Variants in DGKI observed in about 807,000 individuals in gnomAD.
DGKI encodes diacylglycerol kinase iota.
Under a neutral mutation model 147.5 loss-of-function variants are expected in DGKI, and 55 were observed. That is an observed-to-expected ratio of 0.37 (90% CI 0.30 to 0.47). DGKI has a LOEUF of 0.47. Among genes scored for constraint, DGKI ranks in the 20% least tolerant of loss-of-function variants. The probability of loss-of-function intolerance (pLI) is 1.00; values close to 1 mark genes in which losing one functional copy is unlikely to be tolerated. For missense variants in DGKI, 1,007 were observed against 1,323.8 expected, an observed-to-expected ratio of 0.76 and a Z score of 3.71; for synonymous variants, 469 against 477.1, an observed-to-expected ratio of 0.98 and a Z score of 0.22.
intron 1 of DGKI, among the ~76,000 whole-genome samples, chr7:137,845,497 C>A (rs1458166972): frequency 6.6e-6 from 1 of 152,198 alleles, no homozygotes. Flanking sequence ...AGCAAGTGTA[C>A]ATCTTTGTAA....
At chr7:137,440,490 T>G (rs184325675) in intron 28 of DGKI, among the ~76,000 whole-genome samples, 1 of 152,346 alleles carries the variant, frequency 6.6e-6, no homozygotes, top group Non-Finnish European at 1.5e-5. Flanking sequence ...TCTCCATAGT[T>G]CTATCCATTC....
chr7:137,459,528 G>A (rs1409140596), intron 27 of DGKI, among the ~76,000 whole-genome samples: 1 of 136,536 alleles, frequency 7.3e-6, no homozygotes, highest in African/African-American at 2.8e-5. Flanking sequence ...AGGCTGGAGT[G>A]CAGTGGCACG....
At chr7:137,759,590 C>T (rs1795794635) in intron 1 of DGKI, among the ~76,000 whole-genome samples, 1 of 152,186 alleles carries the variant, frequency 6.6e-6, no homozygotes, top group African/African-American at 2.4e-5. Context: ...GATCTGCCCG[C>T]CTCAGCCTCC....
At chr7:137,788,381 CCTTCA>C (rs1369080607) in intron 1 of DGKI, among the ~76,000 whole-genome samples, 1 of 152,100 alleles carries the variant, frequency 6.6e-6, no homozygotes, top group African/African-American at 2.4e-5. Context: ...CCTTCCCTTC[CCTTCA>C]CTGTCTTCCA....
At chr7:137,720,505 G>A (rs996349379) in intron 1 of DGKI, among the ~76,000 whole-genome samples, 4 of 152,036 alleles carry the variant, frequency 2.6e-5, no homozygotes, top group South Asian at 2.1e-4. Context: ...TGATCTGCCC[G>A]CCTCGGCCTC....
intron 1 of DGKI, among the ~76,000 whole-genome samples, chr7:137,806,446 T>G (rs1230682056): frequency 6.6e-6 from 1 of 152,076 alleles, no homozygotes; most frequent in Non-Finnish European, 1.5e-5. Flanking sequence ...CTTCTTTTTT[T>G]TTTCTGAGAC....
chr7:137,704,475 G>A (rs960197724), intron 1 of DGKI, among the ~76,000 whole-genome samples: 7 of 151,128 alleles, frequency 4.6e-5, no homozygotes, highest in African/African-American at 1.5e-4. Flanking sequence ...AGAGAGACAG[G>A]AAAAAAAAGG....
At chr7:137,462,774 T>C (rs756301747) in intron 27 of DGKI, among the ~76,000 whole-genome samples, 6 of 152,090 alleles carry the variant, frequency 3.9e-5, no homozygotes, top group Non-Finnish European at 7.4e-5. Flanking sequence ...CTGAGATGGA[T>C]TGATTGGCCT....
At position 137,532,775 on chromosome 7, in the gene DGKI, C is replaced by T. The variant is rs184134184; in HGVS notation, c.2148-10809G>A. On this transcript the variant is annotated intron_variant, in intron 20 of 32. Coordinates refer to ENST00000614521, the MANE Select transcript of DGKI (RefSeq NM_001321708.2). ...GGAGGAAACCTTTCATTTCCCTTCT[C>T]TAATTCCTGATCCAATGACTGAGGG... Among the ~76,000 whole-genome samples, 21 of 152,284 alleles carry T rather than the reference C, an allele frequency of 1.4e-4. No individual in the cohort carries two copies. The East Asian group carries it at 3.9e-3, about 28-fold the overall frequency.
chr7:137,537,892 G>A (rs1563074408), intron 20 of DGKI, among the ~76,000 whole-genome samples: 1 of 152,126 alleles, frequency 6.6e-6, no homozygotes, highest in Non-Finnish European at 1.5e-5. Context: ...AAGAGTTAAG[G>A]TGTGGCAGAG....
At chr7:137,745,038 T>G (rs896560549) in intron 1 of DGKI, among the ~76,000 whole-genome samples, 1 of 152,042 alleles carries the variant, frequency 6.6e-6, no homozygotes, top group African/African-American at 2.4e-5. Context: ...AGCCCAAATC[T>G]CAGCATCACG....
chr7:137,463,428 G>A, intron 27 of DGKI, 61 bp downstream of exon 27: 1 of 1,599,076 alleles, frequency 6.3e-7, no homozygotes, highest in East Asian at 2.2e-5. Flanking sequence ...ACAGCCCACA[G>A]TACATCCTCT....
chr7:137,617,680 C>T (rs914935364), intron 8 of DGKI, among the ~76,000 whole-genome samples: 2 of 151,936 alleles, frequency 1.3e-5, no homozygotes, highest in Non-Finnish European at 2.9e-5. Flanking sequence ...ACCAGGGATG[C>T]TCCTGGGGAT....
intron 19 of DGKI, among the ~76,000 whole-genome samples, chr7:137,570,258 A>G (rs1818748021): frequency 6.6e-6 from 1 of 152,182 alleles, no homozygotes; most frequent in South Asian, 2.1e-4. Context: ...ACTGGTCCGC[A>G]CATCATTTAA....
chr7:137,682,334 C>T (rs1823267410), intron 2 of DGKI, among the ~76,000 whole-genome samples: 1 of 152,230 alleles, frequency 6.6e-6, no homozygotes, highest in East Asian at 1.9e-4. Context: ...TCAATGTGAG[C>T]TTTGGAGTCA....
At chr7:137,752,232 T>G (rs147093998) in intron 1 of DGKI, among the ~76,000 whole-genome samples, 1 of 151,042 alleles carries the variant, frequency 6.6e-6, no homozygotes, top group Non-Finnish European at 1.5e-5. Context: ...GGTGGTGAAC[T>G]CCCATCCCTG....
intron 1 of DGKI, among the ~76,000 whole-genome samples, chr7:137,806,312 G>A (rs907435084): frequency 6.6e-6 from 1 of 152,252 alleles, no homozygotes; most frequent in Non-Finnish European, 1.5e-5. Context: ...AGAGGTTAGT[G>A]AGGTAACCAG....
intron 20 of DGKI, chr7:137,545,984 C>G: frequency 1.4e-6 from 1 of 700,832 alleles, no homozygotes; most frequent in African/African-American, 1.7e-5. Flanking sequence ...AGGGAATGAG[C>G]AGCGAAGACA....
chr7:137,779,831 T>G (rs1443788078), intron 1 of DGKI, among the ~76,000 whole-genome samples: 1 of 152,264 alleles, frequency 6.6e-6, no homozygotes, highest in East Asian at 1.9e-4. Context: ...ATTATATTAT[T>G]TTGTGTCCTT....
Sources: allele counts gnomAD v4.1 joint callset (sites outside exome capture counted in the v4.1 genomes callset), GRCh38; gene constraint gnomAD v4.1.1; transcripts MANE v1.5; gene names NCBI Gene and HGNC (gene_info 2026-07-23, HGNC 2026-07-21).